The following ATP4A variants were observed in gnomAD, a reference collection of about 807,000 sequenced individuals.
ATP4A encodes the protein ATPase H+/K+ transporting subunit alpha.
ATP4A carries 73 observed loss-of-function variants against 112.1 expected under a neutral mutation model. That is an observed-to-expected ratio of 0.65 (90% CI 0.54 to 0.79). The LOEUF (loss-of-function observed/expected upper bound fraction) is 0.79. Among genes scored for constraint, ATP4A ranks in the 30% least tolerant of loss-of-function variants. The pLI, the probability that ATP4A is intolerant of heterozygous loss-of-function variation, is 0.00. For missense variants in ATP4A, 1,081 were observed against 1,425.9 expected, an observed-to-expected ratio of 0.76 and a Z score of 3.90; for synonymous variants, 588 against 588.9, an observed-to-expected ratio of 1.00 and a Z score of 0.02.
At position 35,562,461 on chromosome 19, in the gene ATP4A, C is replaced by T. The variant is rs778539800; in HGVS notation, c.394G>A (p.Glu132Lys). Residue 132 changes from glutamate to lysine, a missense_variant, in exon 4 of 22, where the codon GAG becomes AAG. Coordinates refer to ENST00000262623, the MANE Select transcript of ATP4A (RefSeq NM_000704.3). ...TTGTCGTCGGTGGTGAGGTCCCCCTCACTAGCCTGGATGGCAAAGGCGATG... is the reference window on the plus strand; with the variant it reads ...TTGTCGTCGGTGGTGAGGTCCCCCTTACTAGCCTGGATGGCAAAGGCGATG... Reference protein sequence around the residue: ...CLIAFAIQASEGDLTTDDNLY... With the variant: ...CLIAFAIQASKGDLTTDDNLY... The T allele has an allele frequency of 1.2e-6, 2 of 1,614,164 alleles. No individual in the cohort carries two copies. Among genetic ancestry groups the T allele is most frequent in the East Asian group, 2.2e-5 (1 of 44,890 alleles).
Position 35,555,874 on chromosome 19 carries a change from T to G in ATP4A, c.1870-62A>C, listed in dbSNP as rs570707673. The G allele has an allele frequency of 2.8e-5, 43 of 1,541,174 alleles. 1 individual carries two copies. The East Asian group carries it at 8.9e-4, about 32-fold the overall frequency. On this transcript the variant is annotated intron_variant, in intron 12 of 21. Coordinates refer to ENST00000262623, the MANE Select transcript of ATP4A (RefSeq NM_000704.3). The surrounding 1 kb of genome is among the most constrained non-coding windows in gnomAD (Gnocchi z 6.6). ...ATCAGCCCAATCTCCCTGTCCTCCC[T>G]GGGAGACATCTGCTGATACACGTGT...
At chr19:35,556,790 A>G in intron 12 of ATP4A, 123 bp downstream of exon 12, 1 of 1,175,508 alleles carries the variant, frequency 8.5e-7, no homozygotes, top group Non-Finnish European at 1.2e-6. Context: ...ATTTTTCAGT[A>G]TCATAAACCA....
intron 3 of ATP4A, among the ~76,000 whole-genome samples, chr19:35,562,845 A>C (rs73597297): frequency 7.6e-6 from 1 of 132,096 alleles, no homozygotes. Flanking sequence ...TCCCCTTTCT[A>C]TGTGTCTCTC....
At position 35,558,491 on chromosome 19, in the gene ATP4A, G is replaced by C; in HGVS notation, c.1371C>G (p.Ile457Met). The C allele has an allele frequency of 6.3e-7, 1 of 1,594,924 alleles. No individual in the cohort carries two copies. The highest frequency in any genetic ancestry group is 8.5e-7 in the Non-Finnish European group (1 of 1,171,586). Residue 457 changes from isoleucine (I) to methionine (M), a missense_variant, in exon 10 of 22, where the codon ATC becomes ATG. Transcript: ENST00000262623. This position sits in a 1 kb window ranked among gnomAD's most constrained non-coding sequence, Gnocchi z 5.1. ...CCGTCTCCGATGCGTCTCCAATCAC[G>C]ATGCGCTGGGAGCGGGGACCGGTGT... ...GQDAVPVPKRIVIGDASETAL... is the reference protein window; with the variant it reads ...GQDAVPVPKRMVIGDASETAL...
Position 35,562,580 on chromosome 19 carries a change from C to T in ATP4A, c.275G>A (p.Arg92Gln), listed in dbSNP as rs1172272670. 4 of 1,611,498 alleles carry T rather than the reference C, an allele frequency of 2.5e-6. No individual in the cohort carries two copies. The highest frequency in any genetic ancestry group is 3.4e-6 in the Non-Finnish European group (4 of 1,179,142). Residue 92 changes from arginine to glutamine, a missense_variant, in exon 4 of 22, where the codon CGG becomes CAG. Arg to Gln is a conservative substitution (Grantham distance 43). Around this residue, in one of 3 missense-constraint regions of ATP4A, gnomAD observed 850 missense variants for 1,068.2 expected, o/e 0.80. Transcript: ENST00000262623. ...GTACTCTGGGGTGCCCCGTGGTGGC[C>T]GCAGTGCGTTGGGCCCATCCCGCAG... ...LLLRDGPNAL[R>Q]PPRGTPEYVK...
Position 35,558,393 on chromosome 19 carries a change from T to G in ATP4A, c.1469A>C (p.Glu490Ala). The change falls in exon 10 of 22, where the codon GAG becomes GCG. Residue 490 changes from glutamate (E) to alanine (A), a missense_variant. Glu to Ala is a moderately radical substitution (Grantham distance 107). This residue lies in a region of ATP4A where 850 missense variants were observed against 1,068.2 expected (regional missense o/e 0.80). Coordinates refer to ENST00000262623, the MANE Select transcript of ATP4A (RefSeq NM_000704.3). The surrounding 1 kb of genome is among the most constrained non-coding windows in gnomAD (Gnocchi z 5.1). ...GYRDRFPKVC[E>A]IPFNSTNKFQ... ...CTTGTTGGTGGAGTTGAAGGGTATC[T>G]CGCAGACTTTTGGGAAGCGGTCCCG... 6.2e-7 allele frequency: 1 copy of G among 1,611,864 alleles called. No homozygotes were observed. Among genetic ancestry groups the G allele is most frequent in the Non-Finnish European group, 8.5e-7 (1 of 1,179,154 alleles).
At chr19:35,556,550 G>T (rs1019457845) in intron 12 of ATP4A, among the ~76,000 whole-genome samples, 1 of 152,172 alleles carries the variant, frequency 6.6e-6, no homozygotes, top group African/African-American at 2.4e-5. Context: ...ATAAATGAGT[G>T]ACCCAATCCA....
chr19:35,552,061 T>A (rs2071605185), intron 18 of ATP4A, among the ~76,000 whole-genome samples: 1 of 152,142 alleles, frequency 6.6e-6, no homozygotes, highest in Non-Finnish European at 1.5e-5. Context: ...CTACTTTTTT[T>A]TTTGAGATGG....
chr19:35,562,657 G>A lies in ATP4A; in HGVS notation c.217-19C>T. 2.5e-6 allele frequency: 4 copies of A among 1,570,262 alleles called. No homozygotes were observed. Among genetic ancestry groups the A allele is most frequent in the Non-Finnish European group, 3.4e-6 (4 of 1,159,464 alleles). On this transcript the variant is annotated intron_variant, in intron 3 of 21. Coordinates refer to ENST00000262623, the MANE Select transcript of ATP4A (RefSeq NM_000704.3). ...AGAGGCCCTGGGACAGAGGGGCAGG[G>A]CGAGGCGGTCCTGGGGGCTTTCCTC...
chr19:35,555,230 T>C lies in ATP4A; in HGVS notation c.2262A>G (p.Lys754=). 1 of 1,614,200 alleles carries C rather than the reference T, an allele frequency of 6.2e-7. No homozygotes were observed. The change falls in exon 15 of 22, where the codon AAA becomes AAG. Residue 754 remains lysine (K), a synonymous_variant. Transcript: ENST00000262623. The surrounding 1 kb of genome is among the most constrained non-coding windows in gnomAD (Gnocchi z 6.6). ...CCAGCAGGATCATGTCAGCTGCATT[T>C]TTGGCAGCATCTGAGCCAGCGATGC... is the stretch of plus-strand genomic sequence containing the variant. ...AMGIAGSDAA[K]NAADMILLDD...
Position 35,557,596 on chromosome 19 carries a change from A to G in ATP4A, c.1693+59T>C. The G allele has an allele frequency of 6.6e-7, 1 of 1,515,220 alleles. No homozygotes were observed. The highest frequency in any genetic ancestry group is 2.4e-5 in the East Asian group (1 of 40,866). 93.9% of individuals were successfully genotyped at this position (1,515,220 alleles called of 1,614,324 possible). On this transcript the variant is annotated intron_variant, in intron 11 of 21. Coordinates refer to ENST00000262623, the MANE Select transcript of ATP4A (RefSeq NM_000704.3). This position sits in a 1 kb window ranked among gnomAD's most constrained non-coding sequence, Gnocchi z 4.4. ...CAGGGCTGGGCCGGGAGTGGTGGGCAGGGTCTGTGCTAGCTCCTCCTCGCA... is the reference window on the plus strand; with the variant it reads ...CAGGGCTGGGCCGGGAGTGGTGGGCGGGGTCTGTGCTAGCTCCTCCTCGCA...
rs1011415619 is a variant in ATP4A at position 35,553,699 on chromosome 19, C to T, written c.2605+7G>A. 1.2e-6 allele frequency: 2 copies of T among 1,613,142 alleles called. No individual in the cohort carries two copies. The highest frequency in any genetic ancestry group is 3.3e-5 in the Admixed American group (2 of 59,984). On this transcript the variant is annotated splice_region_variant and intron_variant, in intron 17 of 21. Transcript: ENST00000262623. ...ACCTCCAGGCTCCCCGGCCCACGGG[C>T]ACCCACCAATCTGGAAGTAGGAGTA... is the stretch of plus-strand genomic sequence containing the variant.
At chr19:35,554,113 TC>T (rs1448147928) in intron 16 of ATP4A, among the ~76,000 whole-genome samples, 1 of 152,188 alleles carries the variant, frequency 6.6e-6, no homozygotes, top group Non-Finnish European at 1.5e-5. Flanking sequence ...TGTCCCTGTC[TC>T]CAGTGTAATT....
At position 35,551,150 on chromosome 19, in the gene ATP4A, G is replaced by A. The variant is rs1416551261; in HGVS notation, c.2886-39C>T. 1.3e-6 allele frequency: 2 copies of A among 1,555,728 alleles called. No individual in the cohort carries two copies. Among genetic ancestry groups the A allele is most frequent in the Non-Finnish European group, 1.7e-6 (2 of 1,144,392 alleles). ...GAATGGGACAGGCCATTAGGAATTG[G>A]GGACGTGATGGAAATCAGGATACTG... On this transcript the variant is annotated intron_variant, in intron 19 of 21. Coordinates refer to ENST00000262623, the MANE Select transcript of ATP4A (RefSeq NM_000704.3). This position sits in a 1 kb window ranked among gnomAD's most constrained non-coding sequence, Gnocchi z 5.2.
chr19:35,553,026 G>C lies in ATP4A; in HGVS notation c.2751+11C>G, dbSNP rs755107299. ...GAGCCCAGGGATGGGATGGGGCGGG[G>C]CAGGGCTCACCCACTCCTGGCCGTA... On this transcript the variant is annotated intron_variant, in intron 18 of 21. Coordinates refer to ENST00000262623, the MANE Select transcript of ATP4A (RefSeq NM_000704.3). 1 of 1,588,164 alleles carries C rather than the reference G, an allele frequency of 6.3e-7. No homozygotes were observed. Among genetic ancestry groups the C allele is most frequent in the Non-Finnish European group, 8.6e-7 (1 of 1,161,106 alleles).
At position 35,558,672 on chromosome 19, in the gene ATP4A, G is replaced by A; in HGVS notation, c.1270C>T (p.Gln424Ter). Residue 424 changes from glutamine to a stop codon, truncating the protein, a stop_gained, in exon 9 of 22, where the codon CAG becomes TAG. Transcript: ENST00000262623. LOFTEE classifies it high-confidence loss of function. The surrounding 1 kb of genome is among the most constrained non-coding windows in gnomAD (Gnocchi z 5.1). ...TEDQSGQTFDQSSETWRALCR... is the reference protein window; with the variant it reads ...TEDQSGQTFD ...AGCGCCCGCCACGTCTCCGAGGACT[G>A]GTCAAACGTCTGCCCTGCAGACCAG... 1.2e-6 allele frequency: 2 copies of A among 1,600,704 alleles called. No homozygotes were observed. The highest frequency in any genetic ancestry group is 1.1e-5 in the South Asian group (1 of 88,724).
Position 35,550,839 on chromosome 19 carries a change from G to A in ATP4A, c.3074C>T (p.Pro1025Leu), listed in dbSNP as rs1273089384. The A allele has an allele frequency of 5.0e-6, 8 of 1,614,034 alleles. No homozygotes were observed. The highest frequency in any genetic ancestry group is 5.9e-6 in the Non-Finnish European group (7 of 1,179,922). Residue 1025 changes from proline to leucine, a missense_variant, in exon 21 of 22, where the codon CCA becomes CTA. Physicochemically the swap from Pro to Leu is moderately conservative, Grantham distance 98 (BLOSUM62 -3). Coordinates refer to ENST00000262623, the MANE Select transcript of ATP4A (RefSeq NM_000704.3). This position sits in a 1 kb window ranked among gnomAD's most constrained non-coding sequence, Gnocchi z 4.1. ...CTCCCAGTCTCCACACTCACTCCCT[G>A]GGCAACAGCGAACTCCAAGCTTCCG... ...EIRKLGVRCC[P>L]GSWWDQELYY
rs1468255225 is a variant in ATP4A at position 35,555,502 on chromosome 19, T to C, written c.2095A>G (p.Met699Val). The C allele has an allele frequency of 2.5e-6, 4 of 1,608,526 alleles. No individual in the cohort carries two copies. The highest frequency in any genetic ancestry group is 2.2e-5 in the East Asian group (1 of 44,782). The change falls in exon 14 of 22, where the codon ATG becomes GTG. Residue 699 changes from methionine to valine, a missense_variant. This residue lies in a region of ATP4A where 850 missense variants were observed against 1,068.2 expected (regional missense o/e 0.80). Coordinates refer to ENST00000262623, the MANE Select transcript of ATP4A (RefSeq NM_000704.3). This position sits in a 1 kb window ranked among gnomAD's most constrained non-coding sequence, Gnocchi z 6.6. ...TGGGGGCTGGTGCGCGCAAACACCA[T>C]CTCGGGGTGGGTGCGCAGGGCCTCG... ...LVEALRTHPE[M>V]VFARTSPQQK... is the part of the protein sequence containing the mutation.
Position 35,550,447 on chromosome 19 carries a change from A to C in ATP4A, c.*168T>G. ...GCGAACCTTGGGAATGGGGGAGGGG[A>C]GTGGGCAGGTCCCTCCAAGTTTGGG... On this transcript the variant is annotated 3_prime_UTR_variant, in exon 22 of 22. Coordinates refer to ENST00000262623, the MANE Select transcript of ATP4A (RefSeq NM_000704.3). This position sits in a 1 kb window ranked among gnomAD's most constrained non-coding sequence, Gnocchi z 4.1. The C allele has an allele frequency of 1.2e-6, 1 of 804,274 alleles. No individual in the cohort carries two copies. The highest frequency in any genetic ancestry group is 2.0e-6 in the Non-Finnish European group (1 of 508,876). 49.8% of individuals were successfully genotyped at this position (804,274 alleles called of 1,614,324 possible). A position where few individuals can be genotyped will look rare whatever the true frequency, so the allele number is the denominator to read the frequency against.
Sources: allele counts gnomAD v4.1 joint callset (sites outside exome capture counted in the v4.1 genomes callset), GRCh38; gene constraint gnomAD v4.1.1; regional missense constraint gnomAD v4.1.1; non-coding constraint Gnocchi (gnomAD v3.1); transcripts MANE v1.5; gene names NCBI Gene and HGNC (gene_info 2026-07-23, HGNC 2026-07-21).